The following DSE variants were observed in gnomAD, a reference collection of about 807,000 sequenced individuals.
The protein encoded by DSE is dermatan sulfate epimerase.
In DSE, 36 loss-of-function variants were observed where a neutral mutation model predicts 84.4. The observed-to-expected ratio is 0.43, with a 90% CI of 0.33 to 0.56. The LOEUF (loss-of-function observed/expected upper bound fraction) is 0.56, where lower values mean the gene tolerates loss of function less well. Ranked by LOEUF, DSE falls within the 20% of genes least tolerant of loss-of-function variation. The pLI is 0.06. For synonymous variants in DSE, 410 were observed against 430.1 expected, an observed-to-expected ratio of 0.95 and a Z score of 0.58; for missense variants, 862 against 1,169.6, an observed-to-expected ratio of 0.74 and a Z score of 3.84.
At chr6:116,284,512 TTTA>T (rs1004346150) in intron 2 of DSE, among the ~76,000 whole-genome samples, 5 of 152,006 alleles carry the variant, frequency 3.3e-5, no homozygotes, top group Non-Finnish European at 5.9e-5. Context: ...CTTTCTTTTT[TTTA>T]TTATTATTAT....
chr6:116,350,598 T>A (rs1208978677), intron 2 of DSE, among the ~76,000 whole-genome samples: 3 of 152,286 alleles, frequency 2.0e-5, no homozygotes, highest in South Asian at 2.1e-4. Context: ...AATTGTCTAT[T>A]CTTTGAGGGA....
chr6:116,436,277 T>C lies in DSE; in HGVS notation c.1809T>C (p.His603=). Reference sequence around the variant, plus strand: ...AGGAGACTGTGGTAGATGGTGTCCATGGGGCTTTCATCAGGCAGAGAGATG... The same window carrying C: ...AGGAGACTGTGGTAGATGGTGTCCACGGGGCTTTCATCAGGCAGAGAGATG... ...PFEETVVDGV[H]GAFIRQRDGL... is the part of the protein sequence containing the mutation. Residue 603 remains histidine, a synonymous_variant, in exon 6 of 6, where the codon CAT becomes CAC. Transcript: ENST00000644252. 6.2e-7 allele frequency: 1 copy of C among 1,614,142 alleles called. No individual in the cohort carries two copies. Among genetic ancestry groups the C allele is most frequent in the Non-Finnish European group, 8.5e-7 (1 of 1,180,010 alleles).
At chr6:116,266,802 G>A (rs532128419) in intron 2 of DSE, among the ~76,000 whole-genome samples, 1 of 152,002 alleles carries the variant, frequency 6.6e-6, no homozygotes, top group Admixed American at 6.6e-5. Context: ...AATACTTTTA[G>A]AGCAGATGAA....
At chr6:116,277,034 C>T (rs1773173682) in intron 2 of DSE, 1 of 152,128 alleles carries the variant, frequency 6.6e-6, no homozygotes, top group African/African-American at 2.4e-5. Flanking sequence ...TATGACTATT[C>T]ATATGTCTCT....
At chr6:116,397,341 G>A (rs1781320111) in intron 1 of DSE, among the ~76,000 whole-genome samples, 1 of 110,900 alleles carries the variant, frequency 9.0e-6, no homozygotes, top group South Asian at 2.4e-4. Context: ...CGAGTAGATG[G>A]GAATACAGGC....
chr6:116,420,028 T>TA (rs1782968296), intron 2 of DSE, among the ~76,000 whole-genome samples: 3 of 152,188 alleles, frequency 2.0e-5, no homozygotes, highest in African/African-American at 7.2e-5. Flanking sequence ...TGGAAAAGCC[T>TA]GCTATAAAGT....
At chr6:116,424,152 A>T (rs922317012) in intron 2 of DSE, among the ~76,000 whole-genome samples, 5 of 152,222 alleles carry the variant, frequency 3.3e-5, no homozygotes, top group African/African-American at 1.2e-4. Flanking sequence ...GTACAATGAC[A>T]CAAGTTGGGA....
chr6:116,308,107 C>A (rs1321294565), intron 2 of DSE, among the ~76,000 whole-genome samples: 1 of 152,178 alleles, frequency 6.6e-6, no homozygotes, highest in African/African-American at 2.4e-5. Flanking sequence ...ATGTCCTGAA[C>A]CACATATTAC....
rs1784456406 is a variant in DSE, at chr6:116,442,377, G to A, written c.*5032G>A. The A allele has an allele frequency of 6.6e-6, 1 of 152,124 alleles. No homozygotes were observed. Among genetic ancestry groups the A allele is most frequent in the Non-Finnish European group, 1.5e-5 (1 of 68,028 alleles). The allele number at this position is 152,124 out of a possible 1,614,324, so 9.4% of individuals were successfully genotyped here. On this transcript the variant is annotated 3_prime_UTR_variant, in exon 6 of 6. Transcript: ENST00000644252. ...TAGTAGGAAGCGGGTCCAGGAGGTT[G>A]TTTTAGCCATGTTAAGTTTAAGATA...
intron 2 of DSE, among the ~76,000 whole-genome samples, chr6:116,337,378 G>A (rs185197557): frequency 5.3e-4 from 80 of 152,316 alleles, no homozygotes; most frequent in Admixed American, 3.1e-3. Flanking sequence ...TTGGGAGGCC[G>A]AGGCAGGTGG....
intron 2 of DSE, chr6:116,280,333 T>C: frequency 5.3e-6 from 1 of 188,914 alleles, no homozygotes; most frequent in South Asian, 8.8e-5. Context: ...GCAAAATGTT[T>C]CCCCCCTTCT....
At chr6:116,410,970 C>T (rs1782315153) in intron 2 of DSE, among the ~76,000 whole-genome samples, 2 of 152,000 alleles carry the variant, frequency 1.3e-5, no homozygotes, top group African/African-American at 4.8e-5. Context: ...ATGGTGGGAT[C>T]TCTCAGTGGG....
intron 1 of DSE, chr6:116,257,258 C>T (rs1379543880): frequency 6.6e-6 from 1 of 152,106 alleles, no homozygotes; most frequent in Non-Finnish European, 1.5e-5. Context: ...CCCTATGCCT[C>T]AGAAGAAATT....
At chr6:116,264,299 CT>C (rs1286937538) in intron 2 of DSE, among the ~76,000 whole-genome samples, 2 of 151,986 alleles carry the variant, frequency 1.3e-5, no homozygotes, top group African/African-American at 4.8e-5. Context: ...CCTTTTCATT[CT>C]TTTTTCTCTA....
intron 2 of DSE, among the ~76,000 whole-genome samples, chr6:116,358,242 A>G (rs772093853): frequency 3.9e-5 from 6 of 152,118 alleles, no homozygotes; most frequent in Admixed American, 2.0e-4. Context: ...ACTGTTTCTG[A>G]TCATAGAGAT....
At chr6:116,371,632 A>G (rs2640873) in intron 1 of DSE, among the ~76,000 whole-genome samples, 104,431 of 152,088 alleles carry the variant, frequency 0.69, 36,583 homozygotes, top group East Asian at 0.98. Context: ...TTGCGGCTGC[A>G]GAAGCCGAGG....
chr6:116,349,124 A>G (rs182382410), intron 2 of DSE, among the ~76,000 whole-genome samples: 1 of 152,266 alleles, frequency 6.6e-6, no homozygotes. Context: ...TAACCAAAAT[A>G]TATATATACA....
In DSE at chr6:116,350,280, TG is replaced by T. The variant is rs1412320060; in HGVS notation, c.-53-48915del. Among the ~76,000 whole-genome samples the T allele has an allele frequency of 2.0e-5, 3 of 152,276 alleles. No homozygotes were observed. In the East Asian group the frequency reaches 5.8e-4, roughly 29 times the overall value. The stretch of plus-strand genomic sequence containing the variant: ...GGTTGAGGAAGAGTATGAAGATCAA[TG>T]GGTATGGGCCTACATTATTCTAGGA... On this transcript the variant is annotated intron_variant, in intron 2 of 3. Coordinates refer to the DSE transcript ENST00000430252.
At chr6:116,382,065 G>A (rs1175208527) in intron 1 of DSE, among the ~76,000 whole-genome samples, 1 of 151,766 alleles carries the variant, frequency 6.6e-6, no homozygotes, top group Non-Finnish European at 1.5e-5. Context: ...GTGTGTGTGT[G>A]TGTGTGTCTC....
Sources: gnomAD v4.1 joint callset for allele counts (sites outside exome capture counted in the v4.1 genomes callset) on GRCh38, gnomAD v4.1.1 for gene constraint, MANE v1.5 for transcripts, NCBI Gene and HGNC (gene_info 2026-07-23, HGNC 2026-07-21) for gene names.